KCNAB1: variants seen among roughly 807,000 people sequenced by gnomAD.
KCNAB1 encodes the protein potassium voltage-gated channel subfamily A regulatory beta subunit 1.
A neutral mutation model predicts 64.6 loss-of-function variants in KCNAB1; 35 were observed. That is an observed-to-expected ratio of 0.54 (90% CI 0.41 to 0.72). The LOEUF (loss-of-function observed/expected upper bound fraction) is 0.72, where lower values mean the gene tolerates loss of function less well. Ranked by LOEUF, KCNAB1 falls within the 30% of genes least tolerant of loss-of-function variation. The pLI is 0.00. For missense variants in KCNAB1, 401 were observed against 512.9 expected, an observed-to-expected ratio of 0.78 and a Z score of 2.11; for synonymous variants, 177 against 183.8, an observed-to-expected ratio of 0.96 and a Z score of 0.30.
At chr3:156,359,346 A>C (rs1725460076) in intron 1 of KCNAB1, among the ~76,000 whole-genome samples, 3 of 152,164 alleles carry the variant, frequency 2.0e-5, no homozygotes, top group Admixed American at 2.0e-4. Flanking sequence ...TCTGTGGCTC[A>C]GAGGGGACAT....
chr3:156,497,226 G>T (rs1439011218), intron 8 of KCNAB1, among the ~76,000 whole-genome samples: 1 of 152,160 alleles, frequency 6.6e-6, no homozygotes, highest in Admixed American at 6.5e-5. Context: ...AGCTGCATGA[G>T]TTAAGTGGAG....
intron 1 of KCNAB1, among the ~76,000 whole-genome samples, chr3:156,320,850 T>A (rs1283549457): frequency 2.0e-5 from 3 of 151,448 alleles, no homozygotes; most frequent in Non-Finnish European, 2.9e-5. Flanking sequence ...TATTTGCTAA[T>A]AATAATGGCA....
intron 1 of KCNAB1, among the ~76,000 whole-genome samples, chr3:156,142,141 C>T (rs1446715719): frequency 6.6e-6 from 1 of 152,122 alleles, no homozygotes; most frequent in Non-Finnish European, 1.5e-5. Context: ...TTTGTATGTT[C>T]TAGATATAAG....
At chr3:156,119,867 C>T (rs1333620049), upstream of KCNAB1, among the ~76,000 whole-genome samples, 2 of 152,144 alleles carry the variant, frequency 1.3e-5, no homozygotes, top group African/African-American at 4.8e-5. Context: ...CAGGCTCCCA[C>T]CATTCCCTCC....
intron 3 of KCNAB1, chr3:156,456,897 G>A (rs1481221258): frequency 6.5e-6 from 1 of 154,046 alleles, no homozygotes; most frequent in Non-Finnish European, 1.4e-5. Context: ...GGTTCCTGGT[G>A]AGTCAGAGGC....
chr3:156,495,376 T>A (rs1465909873), intron 8 of KCNAB1, among the ~76,000 whole-genome samples: 2 of 152,218 alleles, frequency 1.3e-5, no homozygotes, highest in East Asian at 3.9e-4. Context: ...ATCCCATTAC[T>A]GGGTATGTAT....
intron 1 of KCNAB1, among the ~76,000 whole-genome samples, chr3:156,223,619 T>G (rs1232621859): frequency 1.3e-5 from 2 of 152,126 alleles, no homozygotes; most frequent in African/African-American, 2.4e-5. Flanking sequence ...GATTGGTGTA[T>G]TTACAATCCC....
chr3:156,273,764 G>C (rs753493799), intron 1 of KCNAB1: 3 of 419,320 alleles, frequency 7.2e-6, no homozygotes, highest in Non-Finnish European at 1.4e-5. Context: ...CCTGTGGGGA[G>C]GATGATCAAT....
rs183346205 is a variant in KCNAB1 at position 156,481,630 on chromosome 3, C to T, written c.658+6810C>T. On this transcript the variant is annotated intron_variant, in intron 8 of 13. Coordinates refer to ENST00000490337, the MANE Select transcript of KCNAB1 (RefSeq NM_172160.3). ...GGGACAGTAGGGTTCACTTCAGGTT[C>T]TTTCCATCTCAAGTTCGTCTGTTTA... 2.9e-3 allele frequency among the ~76,000 whole-genome samples: 445 copies of T among 152,214 alleles called. 1 individual carries two copies. Among genetic ancestry groups the T allele is most frequent in the African/African-American group, 9.9e-3 (411 of 41,554 alleles).
At position 156,468,091 on chromosome 3, in the gene KCNAB1, C is replaced by T. The variant is rs1010785680; in HGVS notation, c.571+2405C>T. ...TTGCAAATATTTTCTCTCAGGCTGT[C>T]GTTTCATTGTGAACTTTTTTCTCTC... is the stretch of plus-strand genomic sequence containing the variant. On this transcript the variant is annotated intron_variant, in intron 7 of 13. Transcript: ENST00000490337. 3.3e-5 allele frequency among the ~76,000 whole-genome samples: 5 copies of T among 152,020 alleles called. No homozygotes were observed. The East Asian group carries it at 7.7e-4, about 23-fold the overall frequency.
chr3:156,466,780 C>T (rs1003349080), intron 7 of KCNAB1, among the ~76,000 whole-genome samples: 5 of 151,938 alleles, frequency 3.3e-5, no homozygotes, highest in African/African-American at 9.7e-5. Context: ...CAACAAGAAC[C>T]ATTATGTAAT....
chr3:156,499,554 C>A (rs1716238908), intron 8 of KCNAB1, among the ~76,000 whole-genome samples: 1 of 152,018 alleles, frequency 6.6e-6, no homozygotes, highest in Admixed American at 6.6e-5. Context: ...ATCACATAAT[C>A]AAAAGAGTTT....
chr3:156,213,250 G>A (rs529289764), intron 1 of KCNAB1, among the ~76,000 whole-genome samples: 2 of 147,062 alleles, frequency 1.4e-5, no homozygotes, highest in South Asian at 2.1e-4. Flanking sequence ...ACAGAGTCTC[G>A]TTCTGTTACC....
At chr3:156,491,935 C>A (rs1207506371) in intron 8 of KCNAB1, among the ~76,000 whole-genome samples, 1 of 152,076 alleles carries the variant, frequency 6.6e-6, no homozygotes, top group Admixed American at 6.6e-5. Flanking sequence ...AGAAATTATT[C>A]GATTCTGGAA....
At chr3:156,262,334 T>C (rs1034375300) in intron 1 of KCNAB1, among the ~76,000 whole-genome samples, 1 of 151,950 alleles carries the variant, frequency 6.6e-6, no homozygotes, top group Non-Finnish European at 1.5e-5. Context: ...GGATTTTTCA[T>C]GGAGACACTC....
intron 1 of KCNAB1, chr3:156,292,089 TCA>T: frequency 6.2e-7 from 1 of 1,613,956 alleles, no homozygotes; most frequent in Non-Finnish European, 8.5e-7. Flanking sequence ...CACATTTCTC[TCA>T]AAGAGTCCAC....
At chr3:156,355,636 G>C (rs1203049814) in intron 1 of KCNAB1, among the ~76,000 whole-genome samples, 1 of 152,034 alleles carries the variant, frequency 6.6e-6, no homozygotes, top group South Asian at 2.1e-4. Flanking sequence ...TTTTGTAAAT[G>C]AGCAAATTTA....
intron 1 of KCNAB1, among the ~76,000 whole-genome samples, chr3:156,373,860 G>C (rs1711504378): frequency 6.6e-6 from 1 of 152,226 alleles, no homozygotes; most frequent in South Asian, 2.1e-4. Context: ...GTATTGGTCA[G>C]AACAGGGGAT....
At chr3:156,270,644 C>A (rs989466193) in intron 1 of KCNAB1, among the ~76,000 whole-genome samples, 1 of 152,098 alleles carries the variant, frequency 6.6e-6, no homozygotes, top group Non-Finnish European at 1.5e-5. Flanking sequence ...TATGCCATTG[C>A]GCTGTCTTGA....
Sources: gnomAD v4.1 joint callset for allele counts (sites outside exome capture counted in the v4.1 genomes callset) on GRCh38, gnomAD v4.1.1 for gene constraint, MANE v1.5 for transcripts, NCBI Gene and HGNC (gene_info 2026-07-23, HGNC 2026-07-21) for gene names.